Variants in SLC4A10 observed in about 807,000 individuals in gnomAD.
SLC4A10 encodes sodium-driven chloride bicarbonate exchanger.
SLC4A10 carries 42 observed loss-of-function variants against 137.7 expected under a neutral mutation model. The ratio of observed to expected loss-of-function variants is 0.30; its 90% confidence interval spans 0.24 to 0.39. The LOEUF (loss-of-function observed/expected upper bound fraction) is 0.39, where lower values mean the gene tolerates loss of function less well. SLC4A10 is among the 10% of genes least tolerant of loss of function. SLC4A10 has a pLI of 1.00. For missense variants in SLC4A10, 925 were observed against 1,355.0 expected (o/e 0.68, Z 4.98); for synonymous variants, 474 against 464.1 (o/e 1.02, Z -0.27).
At chr2:161,917,912 C>A (rs1005823240) in intron 15 of SLC4A10, among the ~76,000 whole-genome samples, 10 of 152,280 alleles carry the variant, frequency 6.6e-5, no homozygotes, top group African/African-American at 1.9e-4. Flanking sequence ...ATCTCCTCTA[C>A]TCAGAGCTAA....
chr2:161,914,161 T>C (rs989516242), intron 15 of SLC4A10, among the ~76,000 whole-genome samples: 2 of 152,216 alleles, frequency 1.3e-5, no homozygotes, highest in Non-Finnish European at 2.9e-5. Context: ...ATTTTTCTAC[T>C]TATATGTGCA....
intron 16 of SLC4A10, among the ~76,000 whole-genome samples, chr2:161,945,357 T>C (rs1469253087): frequency 6.6e-6 from 1 of 151,106 alleles, no homozygotes; most frequent in Non-Finnish European, 1.5e-5. Context: ...CTTGTACATA[T>C]ATAAGGGGCA....
At chr2:161,640,783 A>G (rs2035210669) in intron 1 of SLC4A10, among the ~76,000 whole-genome samples, 1 of 152,008 alleles carries the variant, frequency 6.6e-6, no homozygotes, top group Admixed American at 6.6e-5. Context: ...CTCCTACCTC[A>G]GCCTCCCAAG....
chr2:161,682,991 CAT>C (rs1450556003), intron 1 of SLC4A10, among the ~76,000 whole-genome samples: 1 of 151,756 alleles, frequency 6.6e-6, no homozygotes, highest in African/African-American at 2.4e-5. Context: ...TTATATATAA[CAT>C]AAACATTTAT....
Position 161,764,053 on chromosome 2 carries a change from A to G in SLC4A10, c.49-6920A>G, listed in dbSNP as rs750391248. ...GGCAAAAATATAAAGTGATATATGT[A>G]CAAGGTTATCCATTGCCAATAATTA... On this transcript the variant is annotated intron_variant, in intron 1 of 26. Coordinates refer to ENST00000446997, the MANE Select transcript of SLC4A10 (RefSeq NM_001178015.2). Among the ~76,000 whole-genome samples, 68 of 152,226 alleles carry G rather than the reference A, an allele frequency of 4.5e-4. No homozygotes were observed. The Middle Eastern group carries it at 0.017, about 38-fold the overall frequency.
intron 15 of SLC4A10, among the ~76,000 whole-genome samples, chr2:161,918,879 G>C (rs72865282): frequency 0.067 from 10,205 of 152,244 alleles, 449 homozygotes; most frequent in East Asian, 0.13. Flanking sequence ...GAAGCCCCGC[G>C]CCTTCTGAGT....
chr2:161,795,245 G>T (rs1175460370), intron 2 of SLC4A10, among the ~76,000 whole-genome samples: 1 of 152,012 alleles, frequency 6.6e-6, no homozygotes, highest in Non-Finnish European at 1.5e-5. Context: ...CTGTAGAAAA[G>T]GCTTTAGATT....
At chr2:161,963,321 T>C (rs1697041475) in intron 21 of SLC4A10, among the ~76,000 whole-genome samples, 1 of 152,148 alleles carries the variant, frequency 6.6e-6, no homozygotes, top group African/African-American at 2.4e-5. Flanking sequence ...CTATGTACTA[T>C]CTTTATGGCA....
intron 15 of SLC4A10, among the ~76,000 whole-genome samples, chr2:161,927,706 G>C (rs1689434217): frequency 6.6e-6 from 1 of 152,096 alleles, no homozygotes; most frequent in East Asian, 1.9e-4. Context: ...CAAAAAGTGG[G>C]CAAAGGACAT....
chr2:161,747,111 C>T (rs1411112807), intron 1 of SLC4A10, among the ~76,000 whole-genome samples: 1 of 152,060 alleles, frequency 6.6e-6, no homozygotes, highest in African/African-American at 2.4e-5. Context: ...GCTCTGAGCC[C>T]AGCACAGCAC....
intron 13 of SLC4A10, 143 bp downstream of exon 13, chr2:161,904,321 C>T (rs1683823127): frequency 1.1e-6 from 1 of 870,928 alleles, no homozygotes; most frequent in African/African-American, 1.7e-5. Flanking sequence ...TATGAATTTC[C>T]TGGATGGCTA....
chr2:161,927,530 T>C (rs1454301618), intron 15 of SLC4A10, among the ~76,000 whole-genome samples: 2 of 152,184 alleles, frequency 1.3e-5, no homozygotes, highest in Non-Finnish European at 2.9e-5. Flanking sequence ...TGGGATCTAA[T>C]TAAACTGAAG....
chr2:161,969,550 G>T (rs927905493), intron 23 of SLC4A10, among the ~76,000 whole-genome samples: 3 of 152,088 alleles, frequency 2.0e-5, no homozygotes, highest in African/African-American at 7.2e-5. Flanking sequence ...GCTACTTACT[G>T]TTAAAGGCAG....
intron 15 of SLC4A10, among the ~76,000 whole-genome samples, chr2:161,908,744 C>T (rs1023345384): frequency 7.9e-5 from 12 of 151,634 alleles, no homozygotes; most frequent in African/African-American, 2.7e-4. Context: ...AACAGAATGC[C>T]TTTTGAGGAG....
chr2:161,710,300 G>A (rs1276727400), intron 1 of SLC4A10, among the ~76,000 whole-genome samples: 1 of 151,678 alleles, frequency 6.6e-6, no homozygotes, highest in Non-Finnish European at 1.5e-5. Context: ...GTCATTATGA[G>A]TACATTCTGT....
intron 1 of SLC4A10, among the ~76,000 whole-genome samples, chr2:161,765,119 T>C (rs1206302847): frequency 1.3e-5 from 2 of 152,122 alleles, no homozygotes; most frequent in African/African-American, 4.8e-5. Flanking sequence ...TGGAGTAGAA[T>C]ACCATAGAGT....
intron 1 of SLC4A10, among the ~76,000 whole-genome samples, chr2:161,739,479 G>T (rs2047663840): frequency 6.6e-6 from 1 of 152,142 alleles, no homozygotes. Flanking sequence ...GGTTCCGTAT[G>T]TCTAAAGACA....
At chr2:161,720,439 A>G (rs563497439) in intron 1 of SLC4A10, among the ~76,000 whole-genome samples, 1 of 152,126 alleles carries the variant, frequency 6.6e-6, no homozygotes, top group Non-Finnish European at 1.5e-5. Flanking sequence ...GAAGAAAGTC[A>G]TTGGTAGCTT....
chr2:161,874,429 C>T (rs758448295), intron 8 of SLC4A10, among the ~76,000 whole-genome samples: 16 of 152,132 alleles, frequency 1.1e-4, no homozygotes, highest in Non-Finnish European at 2.1e-4. Flanking sequence ...GGTTGTGTGA[C>T]CTGCCTTTGC....
Sources: gnomAD v4.1 joint callset for allele counts (sites outside exome capture counted in the v4.1 genomes callset) on GRCh38, gnomAD v4.1.1 for gene constraint, MANE v1.5 for transcripts, NCBI Gene and HGNC (gene_info 2026-07-23, HGNC 2026-07-21) for gene names.